Variants in NFIB observed in about 807,000 individuals in gnomAD.
NFIB encodes the protein nuclear factor 1 B-type.
In NFIB, 11 loss-of-function variants were observed where a neutral mutation model predicts 61.5. That is an observed-to-expected ratio of 0.18 (90% CI 0.11 to 0.30). The LOEUF (loss-of-function observed/expected upper bound fraction) is 0.30, where lower values mean the gene tolerates loss of function less well. Among genes scored for constraint, NFIB ranks in the 10% least tolerant of loss-of-function variants. The pLI is 1.00. For synonymous variants in NFIB, 260 were observed against 216.5 expected (o/e 1.20, Z -1.76); for missense variants, 471 against 608.9 (o/e 0.77, Z 2.38).
chr9:14,392,772 T>C (rs1388887660), intron 1 of NFIB, among the ~76,000 whole-genome samples: 2 of 151,914 alleles, frequency 1.3e-5, no homozygotes, highest in Non-Finnish European at 2.9e-5. Flanking sequence ...CATAGGGTGG[T>C]TATTCTCATA....
chr9:14,125,843 T>A, intron 6 of NFIB, 77 bp from the exon 7 acceptor site: 1 of 1,544,438 alleles, frequency 6.5e-7, no homozygotes, highest in Non-Finnish European at 8.7e-7. Context: ...ATGACAGATC[T>A]CATCTTGCAA....
At chr9:14,398,872 AAC>A in exon 1 of NFIB, 1 of 418,104 alleles carries the variant, frequency 2.4e-6, no homozygotes, top group South Asian at 4.3e-5. Context: ...TTACTCCACT[AAC>A]AGTCTTGCTC....
chr9:14,341,997 T>A (rs1021750622), intron 1 of NFIB, among the ~76,000 whole-genome samples: 1 of 152,104 alleles, frequency 6.6e-6, no homozygotes, highest in Non-Finnish European at 1.5e-5. Flanking sequence ...GAAAACAGCA[T>A]TCCCAATTGG....
At chr9:14,214,167 G>C (rs908176502) in intron 2 of NFIB, among the ~76,000 whole-genome samples, 1 of 152,082 alleles carries the variant, frequency 6.6e-6, no homozygotes, top group Admixed American at 6.6e-5. Flanking sequence ...AGCCCAAAGA[G>C]AGAACCTGCA....
At chr9:14,161,890 C>T (rs1268092724) in intron 3 of NFIB, among the ~76,000 whole-genome samples, 1 of 152,128 alleles carries the variant, frequency 6.6e-6, no homozygotes, top group Non-Finnish European at 1.5e-5. Flanking sequence ...TGCCAACTTA[C>T]ACTCCTTAGG....
chr9:14,259,856 G>A (rs1203079477), intron 2 of NFIB, among the ~76,000 whole-genome samples: 1 of 152,180 alleles, frequency 6.6e-6, no homozygotes, highest in African/African-American at 2.4e-5. Flanking sequence ...AGTCAGCTGA[G>A]ATAGCACCAC....
Position 14,313,929 on chromosome 9 carries a change from G to A in NFIB, c.-418C>T. 1.0e-6 allele frequency: 1 copy of A among 953,744 alleles called. No homozygotes were observed. Among genetic ancestry groups the A allele is most frequent in the Admixed American group, 9.7e-5 (1 of 10,322 alleles). 59.1% of individuals were successfully genotyped at this position (953,744 alleles called of 1,614,324 possible). A position where few individuals can be genotyped will look rare whatever the true frequency, so the allele number is the denominator to read the frequency against. ...TTGGGGTGGTGGTTGGTGGTAAAAT[G>A]CTTTTTCAAAAAAGGCGGGGAGGGG... On this transcript the variant is annotated 5_prime_UTR_variant, in exon 1 of 11. Coordinates refer to ENST00000380953, the MANE Select transcript of NFIB (RefSeq NM_001190737.2). This position sits in a 1 kb window ranked among gnomAD's most constrained non-coding sequence, Gnocchi z 4.5.
chr9:14,383,527 C>T (rs147219235), intron 1 of NFIB, among the ~76,000 whole-genome samples: 45 of 152,304 alleles, frequency 3.0e-4, no homozygotes, highest in African/African-American at 1.1e-3. Flanking sequence ...TAAAGAGAAA[C>T]ATGGTCCAGT....
chr9:14,409,956 A>T, the NFIB span, among the ~76,000 whole-genome samples: 1 of 152,188 alleles, frequency 6.6e-6, no homozygotes, highest in Non-Finnish European at 1.5e-5. Flanking sequence ...ATGATTTGGA[A>T]ACACAGATAA....
chr9:14,305,822 G>A (rs2059988898), intron 2 of NFIB: 1 of 351,760 alleles, frequency 2.8e-6, no homozygotes, highest in African/African-American at 2.1e-5. Flanking sequence ...TCAGGTAACA[G>A]TCTGTCACCT....
chr9:14,205,252 G>A (rs1366673189), intron 2 of NFIB, among the ~76,000 whole-genome samples: 1 of 28 alleles, frequency 0.036, no homozygotes, highest in Non-Finnish European at 0.12. Context: ...AGGGAGGAAG[G>A]AAGGGGGAGG....
chr9:14,428,758 A>G, the NFIB span, among the ~76,000 whole-genome samples: 12 of 152,208 alleles, frequency 7.9e-5, no homozygotes, highest in African/African-American at 2.9e-4. Context: ...CTGTTGAGGT[A>G]ATTCCCCCAG....
intron 2 of NFIB, among the ~76,000 whole-genome samples, chr9:14,182,706 C>CTGTG (rs1179906800): frequency 3.2e-5 from 4 of 124,792 alleles, no homozygotes; most frequent in African/African-American, 1.3e-4. Context: ...CTCTCTCTCT[C>CTGTG]TCTGTGTGTG....
intron 1 of NFIB, among the ~76,000 whole-genome samples, chr9:14,397,591 G>A (rs1038765655): frequency 7.9e-5 from 12 of 152,108 alleles, no homozygotes; most frequent in Admixed American, 2.6e-4. Flanking sequence ...TAAGGACCCA[G>A]GGTCATTTTA....
chr9:14,234,238 C>A (rs1301250346), intron 2 of NFIB, among the ~76,000 whole-genome samples: 1 of 152,150 alleles, frequency 6.6e-6, no homozygotes, highest in Non-Finnish European at 1.5e-5. Context: ...ACAAACCCAT[C>A]TGCAACAGAA....
intron 2 of NFIB, among the ~76,000 whole-genome samples, chr9:14,210,686 A>C (rs1241674798): frequency 6.6e-6 from 1 of 152,070 alleles, no homozygotes; most frequent in Non-Finnish European, 1.5e-5. Flanking sequence ...CAAATAATAA[A>C]ACTTCAAGCA....
intron 10 of NFIB, 69 bp downstream of exon 10, chr9:14,112,930 G>A (rs2037595969): frequency 8.9e-6 from 13 of 1,453,148 alleles, no homozygotes; most frequent in East Asian, 7.5e-5. Flanking sequence ...CCGGATCTGA[G>A]AGGCAACATG....
At chr9:14,225,422 A>G (rs2052244158) in intron 2 of NFIB, among the ~76,000 whole-genome samples, 1 of 133,296 alleles carries the variant, frequency 7.5e-6, no homozygotes, top group African/African-American at 2.8e-5. Context: ...CCGCCACTGC[A>G]CTCCAGCCTG....
intron 2 of NFIB, among the ~76,000 whole-genome samples, chr9:14,203,486 A>G (rs1287523007): frequency 9.2e-5 from 14 of 152,168 alleles, no homozygotes; most frequent in Non-Finnish European, 1.9e-4. Flanking sequence ...ATTATAAGAT[A>G]TTTCTGGACT....
Sources: gnomAD v4.1 joint callset for allele counts (sites outside exome capture counted in the v4.1 genomes callset) on GRCh38, gnomAD v4.1.1 for gene constraint, Gnocchi (gnomAD v3.1) non-coding constraint, MANE v1.5 for transcripts, NCBI Gene and HGNC (gene_info 2026-07-23, HGNC 2026-07-21) for gene names.